The following DPP6 variants were observed in gnomAD, a reference collection of about 807,000 sequenced individuals.
DPP6 encodes A-type potassium channel modulatory protein DPP6.
A neutral mutation model predicts 122.6 loss-of-function variants in DPP6; 69 were observed. That is an observed-to-expected ratio of 0.56 (90% CI 0.46 to 0.69). The LOEUF (loss-of-function observed/expected upper bound fraction) is 0.69. Ranked by LOEUF, DPP6 falls within the 30% of genes least tolerant of loss-of-function variation. DPP6 has a pLI of 0.00. For missense variants in DPP6, 928 were observed against 1,116.9 expected, an observed-to-expected ratio of 0.83 and a Z score of 2.41; for synonymous variants, 418 against 433.1, an observed-to-expected ratio of 0.97 and a Z score of 0.43.
At chr7:154,847,738 A>C (rs1432760069) in intron 16 of DPP6, among the ~76,000 whole-genome samples, 2 of 152,206 alleles carry the variant, frequency 1.3e-5, no homozygotes, top group African/African-American at 4.8e-5. Flanking sequence ...TAGAGTCACC[A>C]TGCTGTACAA....
At chr7:154,376,586 AT>A (rs2151132573) in intron 1 of DPP6, among the ~76,000 whole-genome samples, 1 of 152,366 alleles carries the variant, frequency 6.6e-6, no homozygotes, top group East Asian at 1.9e-4. Context: ...TGAGAAACAC[AT>A]TTGTGTCCTA....
the DPP6 span, among the ~76,000 whole-genome samples, chr7:153,877,375 C>T: frequency 6.6e-6 from 1 of 152,072 alleles, no homozygotes; most frequent in African/African-American, 2.4e-5. Context: ...AAGACACACA[C>T]ACAATTTTGT....
the DPP6 span, among the ~76,000 whole-genome samples, chr7:153,824,214 C>T: frequency 6.6e-6 from 1 of 151,764 alleles, no homozygotes; most frequent in Non-Finnish European, 1.5e-5. Context: ...CATGGTGAAA[C>T]CCTGTCTCTA....
At chr7:154,243,269 C>T (rs1478546268) in intron 1 of DPP6, among the ~76,000 whole-genome samples, 1 of 151,874 alleles carries the variant, frequency 6.6e-6, no homozygotes, top group African/African-American at 2.4e-5. Context: ...ATATAAGACC[C>T]ATGATCAAGG....
intron 1 of DPP6, among the ~76,000 whole-genome samples, chr7:153,966,016 C>T (rs991228066): frequency 6.7e-6 from 1 of 148,410 alleles, no homozygotes; most frequent in African/African-American, 2.5e-5. Context: ...TTGAGGTTGG[C>T]CAGAACTCTA....
chr7:154,157,940 A>AT (rs199537373), intron 1 of DPP6, among the ~76,000 whole-genome samples: 3,409 of 149,196 alleles, frequency 0.023, 116 homozygotes, highest in African/African-American at 0.079. Context: ...TCTCAAAAAA[A>AT]ATATATACAT....
chr7:153,946,998 C>T (rs913497112), intron 1 of DPP6, among the ~76,000 whole-genome samples: 40 of 152,102 alleles, frequency 2.6e-4, no homozygotes, highest in African/African-American at 6.8e-4. Context: ...GTTTCAGTCC[C>T]GTCTTTGCTG....
At chr7:154,010,053 C>A (rs1285144973) in intron 1 of DPP6, among the ~76,000 whole-genome samples, 1 of 152,158 alleles carries the variant, frequency 6.6e-6, no homozygotes, top group African/African-American at 2.4e-5. Context: ...GAAGAGGTGT[C>A]ATCTATTTTC....
chr7:154,308,407 T>A (rs866208682), intron 1 of DPP6, among the ~76,000 whole-genome samples: 6 of 152,252 alleles, frequency 3.9e-5, no homozygotes, highest in Non-Finnish European at 4.4e-5. Context: ...GAGAATTGGC[T>A]TCTGGGAGAC....
At chr7:154,319,349 A>G (rs940436646) in intron 1 of DPP6, among the ~76,000 whole-genome samples, 1 of 152,210 alleles carries the variant, frequency 6.6e-6, no homozygotes, top group Non-Finnish European at 1.5e-5. Flanking sequence ...TCTAGAATAG[A>G]GTAACAGTCC....
intron 5 of DPP6, chr7:154,587,573 C>G (rs1832538794): frequency 1.4e-6 from 2 of 1,453,908 alleles, no homozygotes; most frequent in Admixed American, 2.3e-5. Context: ...ACTTCCCATG[C>G]CCCAAAATAG....
At chr7:154,459,805 CAAAAA>C (rs775605275) in intron 2 of DPP6, among the ~76,000 whole-genome samples, 5 of 63,078 alleles carry the variant, frequency 7.9e-5, no homozygotes, top group Non-Finnish European at 1.3e-4. Context: ...GATTCCATCT[CAAAAA>C]AAAAAAAAAA....
the DPP6 span, among the ~76,000 whole-genome samples, chr7:153,758,826 A>G: frequency 6.6e-6 from 1 of 152,034 alleles, no homozygotes; most frequent in Non-Finnish European, 1.5e-5. Flanking sequence ...AAAAGCTTTT[A>G]TAAACATTTA....
chr7:154,765,333 T>C (rs57572223), intron 8 of DPP6, among the ~76,000 whole-genome samples: 6,802 of 152,192 alleles, frequency 0.045, 506 homozygotes, highest in African/African-American at 0.15. Flanking sequence ...AGCATCTGTA[T>C]AAGCAGCACA....
chr7:154,275,144 G>A (rs1237472754), intron 1 of DPP6, among the ~76,000 whole-genome samples: 1 of 152,238 alleles, frequency 6.6e-6, no homozygotes, highest in Admixed American at 6.5e-5. Flanking sequence ...AATGCCTGGG[G>A]ATTTTGCCCC....
At chr7:154,379,665 A>G (rs1813425939) in intron 1 of DPP6, among the ~76,000 whole-genome samples, 1 of 152,196 alleles carries the variant, frequency 6.6e-6, no homozygotes, top group Non-Finnish European at 1.5e-5. Context: ...AATTGATTAA[A>G]CCAAAAATTA....
chr7:154,732,699 G>A (rs1200739125), intron 8 of DPP6, among the ~76,000 whole-genome samples: 1 of 152,164 alleles, frequency 6.6e-6, no homozygotes, highest in Non-Finnish European at 1.5e-5. Flanking sequence ...GGTTTGGCAT[G>A]GATGAAATTC....
chr7:153,935,396 A>G (rs1801386619), intron 1 of DPP6, among the ~76,000 whole-genome samples: 2 of 152,032 alleles, frequency 1.3e-5, no homozygotes, highest in African/African-American at 4.8e-5. Context: ...TCAGCGTGGC[A>G]CATCCCAGCA....
rs143502512 is a variant in DPP6 at position 154,162,791 on chromosome 7, G to A, written c.243+109728G>A. 8.7e-3 allele frequency among the ~76,000 whole-genome samples: 1,320 copies of A among 152,320 alleles called. 22 individuals are homozygous for A. Among genetic ancestry groups the A allele is most frequent in the African/African-American group, 0.028 (1,171 of 41,574 alleles). On this transcript the variant is annotated intron_variant, in intron 1 of 25. Coordinates refer to ENST00000377770, the MANE Select transcript of DPP6 (RefSeq NM_130797.4). ...AGCATTGAGTCAAACTTGACACCTG[G>A]AATCTGATCATTGCTGGTGTTGAGT... is the stretch of plus-strand genomic sequence containing the variant.
Sources: gnomAD v4.1 joint callset for allele counts (sites outside exome capture counted in the v4.1 genomes callset) on GRCh38, gnomAD v4.1.1 for gene constraint, MANE v1.5 for transcripts, NCBI Gene and HGNC (gene_info 2026-07-23, HGNC 2026-07-21) for gene names.